Variants in DLGAP3 observed in about 807,000 individuals in gnomAD.
DLGAP3 encodes the protein DLG associated protein 3, also known as disks large-associated protein 3.
In DLGAP3, 17 loss-of-function variants were observed where a neutral mutation model predicts 81.2. The ratio of observed to expected loss-of-function variants is 0.21; its 90% CI spans 0.14 to 0.31. The LOEUF is 0.31. Among genes scored for constraint, DLGAP3 ranks in the 10% least tolerant of loss-of-function variants. The pLI, the probability that DLGAP3 is intolerant of heterozygous loss-of-function variation, is 1.00. For missense variants in DLGAP3, 1,124 were observed against 1,388.0 expected (o/e 0.81, Z 3.02); for synonymous variants, 577 against 587.4 (o/e 0.98, Z 0.26).
intron 1 of DLGAP3, among the ~76,000 whole-genome samples, chr1:34,927,566 G>A (rs1329151587): frequency 6.6e-6 from 1 of 152,140 alleles, no homozygotes; most frequent in Admixed American, 6.5e-5. Flanking sequence ...GGGGCTGTAT[G>A]TGAGGCCGTT....
Position 34,900,343 on chromosome 1 carries a change from A to T in DLGAP3, c.1108-70T>A. On this transcript the variant is annotated intron_variant, in intron 3 of 11. Transcript: ENST00000373347. The surrounding 1 kb of genome is among the most constrained non-coding windows in gnomAD (Gnocchi z 5.6). ...ATCTAGAGGCCAGGACTCTTTCCCC[A>T]CTGCCAGTGGGAGATGCCCTGCCCT... 3.3e-6 allele frequency: 5 copies of T among 1,496,680 alleles called. No individual in the cohort carries two copies. The South Asian group carries it at 5.6e-5, about 17-fold the overall frequency. 92.7% of individuals were successfully genotyped at this position (1,496,680 alleles called of 1,614,324 possible). A position where few individuals can be genotyped will look rare whatever the true frequency, so the allele number is the denominator to read the frequency against.
intron 8 of DLGAP3, among the ~76,000 whole-genome samples, chr1:34,870,671 G>T (rs145083062): frequency 6.6e-6 from 1 of 152,312 alleles, no homozygotes; most frequent in Non-Finnish European, 1.5e-5. Context: ...AGAGGGAGAA[G>T]GAGAGAGAAC....
rs1280681426 is a variant in DLGAP3, at chr1:34,914,134, C to A, written c.-134-6697G>T. Among the ~76,000 whole-genome samples, 3 of 152,170 alleles carry A rather than the reference C, an allele frequency of 2.0e-5. No homozygotes were observed. The East Asian group carries it at 5.8e-4, about 29-fold the overall frequency. On this transcript the variant is annotated intron_variant, in intron 1 of 11. Coordinates refer to ENST00000373347, the MANE Select transcript of DLGAP3 (RefSeq NM_001080418.3). ...GGTCTCTTCACTCAGACTTGCTGGG[C>A]CCCAGCTCCCTTCCCAGCTAGGGCC... is the stretch of plus-strand genomic sequence containing the variant.
At chr1:34,923,035 A>G (rs565814239) in intron 1 of DLGAP3, among the ~76,000 whole-genome samples, 4 of 152,200 alleles carry the variant, frequency 2.6e-5, no homozygotes, top group African/African-American at 9.6e-5. Context: ...CAACCTGGGT[A>G]GGAGTAACAA....
At chr1:34,910,905 A>G (rs1033912256) in intron 1 of DLGAP3, among the ~76,000 whole-genome samples, 2 of 152,154 alleles carry the variant, frequency 1.3e-5, no homozygotes, top group African/African-American at 4.8e-5. Context: ...CCCTAGAACA[A>G]TGCTTAGCAT....
intron 5 of DLGAP3, among the ~76,000 whole-genome samples, chr1:34,896,641 T>C (rs1639385010): frequency 6.6e-6 from 1 of 151,584 alleles, no homozygotes; most frequent in Admixed American, 6.6e-5. Flanking sequence ...CTATGGTCTC[T>C]GTATTGTTTA....
intron 1 of DLGAP3, among the ~76,000 whole-genome samples, chr1:34,910,638 C>T (rs887669535): frequency 6.6e-6 from 1 of 152,152 alleles, no homozygotes; most frequent in Non-Finnish European, 1.5e-5. Context: ...CTTTTCCTAC[C>T]CACCTCTGCC....
Position 34,867,317 on chromosome 1 carries a change from G to C in DLGAP3, c.2578-126C>G. 7.2e-7 allele frequency: 1 copy of C among 1,389,440 alleles called. No homozygotes were observed. Among genetic ancestry groups the C allele is most frequent in the South Asian group, 1.2e-5 (1 of 85,208 alleles). 86.1% of individuals were successfully genotyped at this position (1,389,440 alleles called of 1,614,324 possible). ...AGCCTGGGAGAGTGGGTGGGGGCTG[G>C]GAGACAGGGGGACAAGAGCGAGCCC... On this transcript the variant is annotated intron_variant, in intron 10 of 11. Coordinates refer to ENST00000373347, the MANE Select transcript of DLGAP3 (RefSeq NM_001080418.3). This position sits in a 1 kb window ranked among gnomAD's most constrained non-coding sequence, Gnocchi z 4.3.
intron 1 of DLGAP3, among the ~76,000 whole-genome samples, chr1:34,910,487 G>T (rs185577365): frequency 2.0e-5 from 3 of 152,308 alleles, no homozygotes; most frequent in Non-Finnish European, 4.4e-5. Flanking sequence ...GTCCAACAAG[G>T]CCTGCAGGGT....
At chr1:34,924,842 C>A (rs1222089170) in intron 1 of DLGAP3, among the ~76,000 whole-genome samples, 6 of 152,174 alleles carry the variant, frequency 3.9e-5, no homozygotes, top group African/African-American at 1.4e-4. Context: ...GAAACCTAAA[C>A]CATAGGGAGA....
intron 5 of DLGAP3, 25 bp from the exon 6 acceptor site, chr1:34,886,310 C>T (rs1423004511): frequency 1.9e-6 from 3 of 1,547,546 alleles, no homozygotes; most frequent in African/African-American, 1.4e-5. Context: ...GTCGGGAGGA[C>T]AGTTATAAGG....
chr1:34,917,346 C>CT (rs548309308), intron 1 of DLGAP3, among the ~76,000 whole-genome samples: 3,203 of 133,276 alleles, frequency 0.024, 75 homozygotes, highest in African/African-American at 0.052. Context: ...ATCCTTTTTC[C>CT]TTTTTTTTTT....
intron 1 of DLGAP3, among the ~76,000 whole-genome samples, chr1:34,919,191 CT>C (rs1307236409): frequency 2.0e-5 from 3 of 152,130 alleles, no homozygotes; most frequent in Non-Finnish European, 4.4e-5. Context: ...CTGGAAGGGG[CT>C]CTATCACTGG....
Position 34,866,205 on chromosome 1 carries a change from G to A in DLGAP3, c.2818C>T (p.Arg940Trp). The change falls in exon 12 of 12, where the codon CGG becomes TGG. Residue 940 changes from arginine (R) to tryptophan (W), a missense_variant. Physicochemically the swap from Arg to Trp is moderately radical, Grantham distance 101. Around this residue, in one of 9 missense-constraint regions of DLGAP3, gnomAD observed 133 missense variants for 171.1 expected, o/e 0.78. Transcript: ENST00000373347. ...ERSLDSVDRQRQEARKRLLAA... is the reference protein window; with the variant it reads ...ERSLDSVDRQWQEARKRLLAA... ...AGGAGCCGCTTGCGCGCTTCCTGCC[G>A]CTGCCGGTCCACGGAGTCCAGGGAG... The A allele has an allele frequency of 6.3e-7, 1 of 1,593,978 alleles. No homozygotes were observed. The highest frequency in any genetic ancestry group is 1.1e-5 in the South Asian group (1 of 89,548).
chr1:34,869,297 C>A (rs912294949), intron 8 of DLGAP3, among the ~76,000 whole-genome samples: 11 of 152,068 alleles, frequency 7.2e-5, no homozygotes, highest in African/African-American at 2.7e-4. Context: ...GGGTGATATC[C>A]AAGCTATTTA....
At chr1:34,874,695 T>C (rs1414072661) in intron 8 of DLGAP3, among the ~76,000 whole-genome samples, 3 of 152,090 alleles carry the variant, frequency 2.0e-5, no homozygotes, top group Non-Finnish European at 4.4e-5. Flanking sequence ...TGTGATTCTC[T>C]GGGGGATAAC....
In DLGAP3 at chr1:34,895,236, C is replaced by G. The variant is rs1003459697; in HGVS notation, c.1386+4433G>C. Among the ~76,000 whole-genome samples the G allele has an allele frequency of 2.6e-5, 4 of 151,744 alleles. No individual in the cohort carries two copies. Among genetic ancestry groups the G allele is most frequent in the Admixed American group, 2.6e-4 (4 of 15,232 alleles). ...CAAAAAAATTAGCCAGGCGTGGTGG[C>G]GGGCGCCTGTAGTCTCAGCTACTCC... On this transcript the variant is annotated intron_variant, in intron 5 of 11. Transcript: ENST00000373347. The surrounding 1 kb of genome is among the most constrained non-coding windows in gnomAD (Gnocchi z 4.5).
chr1:34,882,683 T>A (rs1201494089), intron 8 of DLGAP3, among the ~76,000 whole-genome samples: 1 of 152,120 alleles, frequency 6.6e-6, no homozygotes, highest in Non-Finnish European at 1.5e-5. Flanking sequence ...TCAAATTCAT[T>A]CTCCACTCAG....
intron 8 of DLGAP3, among the ~76,000 whole-genome samples, chr1:34,880,051 C>T (rs1279076436): frequency 1.3e-5 from 2 of 151,602 alleles, no homozygotes; most frequent in Non-Finnish European, 2.9e-5. Context: ...TTTTTTCTTT[C>T]CCCCCCTTTT....
Sources: gnomAD v4.1 joint callset for allele counts (sites outside exome capture counted in the v4.1 genomes callset) on GRCh38, gnomAD v4.1.1 for gene constraint, gnomAD v4.1.1 regional missense constraint, Gnocchi (gnomAD v3.1) non-coding constraint, MANE v1.5 for transcripts, NCBI Gene and HGNC (gene_info 2026-07-23, HGNC 2026-07-21) for gene names.